Variants in MLXIPL observed in about 807,000 individuals in gnomAD.
The protein encoded by MLXIPL is carbohydrate-responsive element-binding protein.
Under a neutral mutation model 81.5 loss-of-function variants are expected in MLXIPL, and 49 were observed. That is an observed-to-expected ratio of 0.60 (90% confidence interval 0.48 to 0.76). MLXIPL has a LOEUF of 0.76. MLXIPL is among the 30% of genes least tolerant of loss of function. MLXIPL has a pLI of 0.00. For missense variants in MLXIPL, 1,053 were observed against 1,167.0 expected, an observed-to-expected ratio of 0.90 and a Z score of 1.42; for synonymous variants, 466 against 485.5, an observed-to-expected ratio of 0.96 and a Z score of 0.53.
chr7:73,596,323 G>T lies in MLXIPL; in HGVS notation c.1938+41C>A, dbSNP rs552375327. 6.2e-7 allele frequency: 1 copy of T among 1,613,070 alleles called. No individual in the cohort carries two copies. Among genetic ancestry groups the T allele is most frequent in the Non-Finnish European group, 8.5e-7 (1 of 1,179,870 alleles). On this transcript the variant is annotated intron_variant, in intron 12 of 16. Coordinates refer to ENST00000313375, the MANE Select transcript of MLXIPL (RefSeq NM_032951.3). This position sits in a 1 kb window ranked among gnomAD's most constrained non-coding sequence, Gnocchi z 4.7. ...CCTAGGAAGGAGCCCAGGAGGGCCT[G>T]GGGGTAGCAAACCGATCTTGGGGTG...
the MLXIPL span, among the ~76,000 whole-genome samples, chr7:73,644,058 C>G: frequency 6.6e-6 from 1 of 152,060 alleles, no homozygotes; most frequent in Non-Finnish European, 1.5e-5. Flanking sequence ...GCTTGTGCCA[C>G]CATGCTTGGC....
chr7:73,622,475 G>A (rs1796445441), intron 1 of MLXIPL, among the ~76,000 whole-genome samples: 1 of 149,928 alleles, frequency 6.7e-6, no homozygotes, highest in African/African-American at 2.5e-5. Context: ...GGCAACAAGA[G>A]CAAAACTCTG....
Position 73,606,036 on chromosome 7 carries a change from C to T in MLXIPL, c.694G>A (p.Asp232Asn), listed in dbSNP as rs782811444. ...FSSVVPVLLG[D>N]PEEEPGGRQL... is the part of the protein sequence containing the mutation. The stretch of plus-strand genomic sequence containing the variant: ...CGCCCACCCGGCTCCTCCTCTGGGT[C>T]CCCCAGCAGCACGGGGACCACACTG... The change falls in exon 6 of 17, where the codon GAC becomes AAC. Residue 232 changes from aspartate to asparagine, a missense_variant. Asp to Asn is a conservative substitution (Grantham distance 23). Transcript: ENST00000313375. 4 of 1,589,536 alleles carry T rather than the reference C, an allele frequency of 2.5e-6. No homozygotes were observed. The highest frequency in any genetic ancestry group is 3.4e-6 in the Non-Finnish European group (4 of 1,167,878).
the MLXIPL span, among the ~76,000 whole-genome samples, chr7:73,635,115 T>C: frequency 5.3e-5 from 8 of 152,128 alleles, no homozygotes; most frequent in Non-Finnish European, 1.0e-4. Context: ...CGTAAGCCAC[T>C]GTGCCTGGCC....
chr7:73,602,130 G>GCCTTCCTTCCTTCCTTCCTTCCGTCCTT (rs1794903133), intron 7 of MLXIPL, among the ~76,000 whole-genome samples: 1 of 80,508 alleles, frequency 1.2e-5, no homozygotes, highest in Non-Finnish European at 2.4e-5. Flanking sequence ...CTGCCTGCCT[G>GCCTTCCTTCCTTCCTTCCTTCCGTCCTT]CCTTCCTTCC....
chr7:73,629,779 A>G, the MLXIPL span, among the ~76,000 whole-genome samples: 5 of 152,016 alleles, frequency 3.3e-5, no homozygotes, highest in Admixed American at 3.3e-4. Flanking sequence ...GAGCCTGTCA[A>G]CTGTGTGTAT....
chr7:73,616,062 G>A lies in MLXIPL; in HGVS notation c.400+9C>T. 6.2e-7 allele frequency: 1 copy of A among 1,610,504 alleles called. No homozygotes were observed. Among genetic ancestry groups the A allele is most frequent in the Non-Finnish European group, 8.5e-7 (1 of 1,176,788 alleles). On this transcript the variant is annotated intron_variant, in intron 2 of 16. Transcript: ENST00000313375. ...CTCCCGGCTTGGGAGGCTGGTGGTA[G>A]CCACTCACACTGGATATACCAGGCC...
intron 7 of MLXIPL, among the ~76,000 whole-genome samples, chr7:73,605,336 A>G (rs1795190019): frequency 6.6e-6 from 1 of 151,918 alleles, no homozygotes; most frequent in Non-Finnish European, 1.5e-5. Context: ...AGGCAAGAGG[A>G]TGGCTTGAGC....
At chr7:73,614,869 G>A (rs1042546886) in intron 2 of MLXIPL, among the ~76,000 whole-genome samples, 23 of 150,088 alleles carry the variant, frequency 1.5e-4, no homozygotes, top group Admixed American at 5.3e-4. Context: ...GGAGTGCAGC[G>A]GCGCGATCTC....
At chr7:73,602,082 G>T (rs913004702) in intron 7 of MLXIPL, among the ~76,000 whole-genome samples, 2 of 125,068 alleles carry the variant, frequency 1.6e-5, no homozygotes, top group East Asian at 2.4e-4. Context: ...CTGCCTGCCT[G>T]CCTGCCTGCC....
Position 73,596,949 on chromosome 7 carries a change from C to T in MLXIPL, c.1604-17G>A, listed in dbSNP as rs1554594384. 3 of 1,604,604 alleles carry T rather than the reference C, an allele frequency of 1.9e-6. No individual in the cohort carries two copies. The African/African-American group carries it at 4.0e-5, about 21-fold the overall frequency. On this transcript the variant is annotated splice_polypyrimidine_tract_variant and intron_variant, in intron 9 of 16. Transcript: ENST00000313375. The surrounding 1 kb of genome is among the most constrained non-coding windows in gnomAD (Gnocchi z 4.7). Reference sequence around the variant, plus strand: ...CCGGCTTAGCTGTGCACGGGCAGAACCGTGAGGCTACTGGGGCTGGCCCAC... The same window carrying T: ...CCGGCTTAGCTGTGCACGGGCAGAATCGTGAGGCTACTGGGGCTGGCCCAC...
At chr7:73,634,408 T>C in the MLXIPL span, among the ~76,000 whole-genome samples, 1 of 152,106 alleles carries the variant, frequency 6.6e-6, no homozygotes, top group East Asian at 1.9e-4. Context: ...GAAAATTTTT[T>C]TGAGACAGAG....
chr7:73,632,882 C>G, the MLXIPL span, among the ~76,000 whole-genome samples: 1 of 151,200 alleles, frequency 6.6e-6, no homozygotes, highest in Non-Finnish European at 1.5e-5. Context: ...TAGCTTCAAG[C>G]GATTCTCCTG....
At chr7:73,642,552 C>G in the MLXIPL span, among the ~76,000 whole-genome samples, 1 of 152,122 alleles carries the variant, frequency 6.6e-6, no homozygotes, top group Non-Finnish European at 1.5e-5. Flanking sequence ...GACAGAGTTT[C>G]GCCACCTTGG....
At chr7:73,606,809 G>A (rs1795317390) in intron 5 of MLXIPL, 165 bp downstream of exon 5, 1 of 781,506 alleles carries the variant, frequency 1.3e-6, no homozygotes, top group Non-Finnish European at 2.1e-6. Context: ...CCCCCAAGAA[G>A]AGAAGAGCTC....
At chr7:73,644,320 G>T in the MLXIPL span, among the ~76,000 whole-genome samples, 1 of 151,550 alleles carries the variant, frequency 6.6e-6, no homozygotes, top group African/African-American at 2.4e-5. Flanking sequence ...TGATTCTCCT[G>T]CCTTAGGACC....
chr7:73,643,281 G>A, the MLXIPL span, among the ~76,000 whole-genome samples: 7 of 152,134 alleles, frequency 4.6e-5, no homozygotes, highest in African/African-American at 1.4e-4. Context: ...TTGGGAGGCC[G>A]AGGCGGGCGG....
chr7:73,609,671 AGT>A (rs57884695), intron 2 of MLXIPL: 7 of 147,868 alleles, frequency 4.7e-5, no homozygotes, highest in Middle Eastern at 3.5e-3. Context: ...CCCAGGATGG[AGT>A]GTGTGTGTGT....
intron 7 of MLXIPL, among the ~76,000 whole-genome samples, chr7:73,604,215 CAAAAAAAAAAA>C (rs55693159): frequency 6.0e-5 from 3 of 50,000 alleles, no homozygotes; most frequent in Admixed American, 3.8e-4. Flanking sequence ...GACTCCGTCT[CAAAAAAAAAAA>C]AAAAAAAAAA....
Sources: allele counts gnomAD v4.1 joint callset (sites outside exome capture counted in the v4.1 genomes callset), GRCh38; gene constraint gnomAD v4.1.1; non-coding constraint Gnocchi (gnomAD v3.1); transcripts MANE v1.5; gene names NCBI Gene and HGNC (gene_info 2026-07-23, HGNC 2026-07-21).